The following TTC28 variants were observed in gnomAD, a reference collection of about 807,000 sequenced individuals.
The protein encoded by TTC28 is tetratricopeptide repeat protein 28.
In TTC28, 61 loss-of-function variants were observed where a neutral mutation model predicts 198.0. The ratio of observed to expected loss-of-function variants is 0.31; its 90% CI spans 0.25 to 0.38. The LOEUF (loss-of-function observed/expected upper bound fraction) is 0.38, where lower values mean the gene tolerates loss of function less well. Among genes scored for constraint, TTC28 ranks in the 10% least tolerant of loss-of-function variants. The pLI, the probability that TTC28 is intolerant of heterozygous loss-of-function variation, is 1.00. For missense variants in TTC28, 2,678 were observed against 3,164.0 expected, an observed-to-expected ratio of 0.85 and a Z score of 3.69; for synonymous variants, 1,171 against 1,297.8, an observed-to-expected ratio of 0.90 and a Z score of 2.10.
chr22:28,072,253 G>C (rs547685598), intron 12 of TTC28, among the ~76,000 whole-genome samples: 1 of 152,286 alleles, frequency 6.6e-6, no homozygotes, highest in East Asian at 1.9e-4. Context: ...TGCCAGAGAA[G>C]GTGTGGTTTA....
At chr22:28,452,389 CAAAAAAAAA>C (rs71194768) in intron 2 of TTC28, among the ~76,000 whole-genome samples, 21 of 43,232 alleles carry the variant, frequency 4.9e-4, no homozygotes, top group African/African-American at 1.5e-3. Context: ...GATTCCATCT[CAAAAAAAAA>C]AAAAAAAAAA....
chr22:28,268,211 T>G (rs182001866), intron 5 of TTC28, among the ~76,000 whole-genome samples: 1 of 152,318 alleles, frequency 6.6e-6, no homozygotes, highest in Admixed American at 6.5e-5. Flanking sequence ...TGAATGGCTC[T>G]CATAACAGCA....
intron 2 of TTC28, among the ~76,000 whole-genome samples, chr22:28,515,177 A>T (rs2048760711): frequency 6.6e-6 from 1 of 152,192 alleles, no homozygotes. Flanking sequence ...AAATCAAAGC[A>T]ATTTTTCTAT....
At chr22:28,519,552 CCAGATGTTT>C (rs1295559359) in intron 2 of TTC28, among the ~76,000 whole-genome samples, 1 of 152,156 alleles carries the variant, frequency 6.6e-6, no homozygotes, top group Non-Finnish European at 1.5e-5. Context: ...TTCATTTCTA[CCAGATGTTT>C]CATACTAACT....
Position 28,225,368 on chromosome 22 carries a change from AAAGAAGAAGAAGAAG to A in TTC28, c.934-61784_934-61770del, listed in dbSNP as rs148306183. Among the ~76,000 whole-genome samples the A allele has an allele frequency of 1.4e-3, 197 of 143,170 alleles. 1 individual carries two copies. The highest frequency in any genetic ancestry group is 2.0e-3 in the Non-Finnish European group (137 of 66,918). The allele number at this position is 143,170 out of a possible 152,430, so 93.9% of individuals were successfully genotyped here. A position where few individuals can be genotyped will look rare whatever the true frequency, so the allele number is the denominator to read the frequency against. ...AGAGATTCTGTTAAAAAAAAAAAGA[AAAGAAGAAGAAGAAG>A]AAGAAGAAGAAGAAGAAGAAAGAAG... On this transcript the variant is annotated intron_variant, in intron 5 of 22. Coordinates refer to ENST00000397906, the MANE Select transcript of TTC28 (RefSeq NM_001145418.2).
intron 2 of TTC28, among the ~76,000 whole-genome samples, chr22:28,332,621 C>A (rs2045634709): frequency 6.6e-6 from 1 of 152,044 alleles, no homozygotes; most frequent in Non-Finnish European, 1.5e-5. Flanking sequence ...GAACCAAGAA[C>A]AACAAAATCT....
chr22:28,590,691 T>C (rs981174146), intron 2 of TTC28, among the ~76,000 whole-genome samples: 3 of 152,006 alleles, frequency 2.0e-5, no homozygotes, highest in Non-Finnish European at 4.4e-5. Context: ...TTCACTTATA[T>C]CACAAATTAG....
chr22:27,982,601 C>A lies in TTC28; in HGVS notation c.7066G>T (p.Ala2356Ser). The change falls in exon 23 of 23, where the codon GCT becomes TCT. Residue 2356 changes from alanine to serine, a missense_variant. By Grantham distance (99) the Ala-to-Ser change is moderately conservative. Transcript: ENST00000397906. This position sits in a 1 kb window ranked among gnomAD's most constrained non-coding sequence, Gnocchi z 5.2. ...KMAAIDEKVQ[A>S]VHNLKMFWQS... ...CAGAACATCTTCAGGTTATGGACAGCCTGCACCTTTTCATCAATGGCTGCC... is the reference window on the plus strand; with the variant it reads ...CAGAACATCTTCAGGTTATGGACAGACTGCACCTTTTCATCAATGGCTGCC... 3 of 1,551,740 alleles carry A rather than the reference C, an allele frequency of 1.9e-6. No individual in the cohort carries two copies. The highest frequency in any genetic ancestry group is 2.6e-6 in the Non-Finnish European group (3 of 1,147,016).
At chr22:28,641,198 C>T (rs2051359678) in intron 1 of TTC28, among the ~76,000 whole-genome samples, 1 of 151,980 alleles carries the variant, frequency 6.6e-6, no homozygotes, top group Non-Finnish European at 1.5e-5. Context: ...GTGGCGCGTG[C>T]CTGTAGTCCC....
intron 2 of TTC28, among the ~76,000 whole-genome samples, chr22:28,386,550 T>C (rs1007311352): frequency 1.3e-5 from 2 of 152,038 alleles, no homozygotes; most frequent in Non-Finnish European, 2.9e-5. Flanking sequence ...AAGCTAAAGA[T>C]TCATACCTAA....
intron 5 of TTC28, among the ~76,000 whole-genome samples, chr22:28,209,275 T>C (rs1299417799): frequency 6.6e-6 from 1 of 152,108 alleles, no homozygotes; most frequent in Non-Finnish European, 1.5e-5. Flanking sequence ...ACTGAGGTTG[T>C]TGGACTGAGG....
chr22:28,209,442 A>T (rs1926709671), intron 5 of TTC28, among the ~76,000 whole-genome samples: 2 of 152,174 alleles, frequency 1.3e-5, no homozygotes, highest in Non-Finnish European at 2.9e-5. Flanking sequence ...CCACCCTAAT[A>T]CTGCGCTTTT....
At chr22:28,004,157 G>A (rs1259210154) in intron 14 of TTC28, among the ~76,000 whole-genome samples, 4 of 152,204 alleles carry the variant, frequency 2.6e-5, no homozygotes, top group Non-Finnish European at 1.5e-5. Context: ...CGTGAGGGTT[G>A]GGGAAGGCCT....
At chr22:28,504,901 T>C (rs997215194) in intron 2 of TTC28, among the ~76,000 whole-genome samples, 1 of 152,122 alleles carries the variant, frequency 6.6e-6, no homozygotes, top group South Asian at 2.1e-4. Flanking sequence ...CAATTCTTTT[T>C]TTATATATAT....
At chr22:28,579,304 T>C (rs1181196497) in intron 2 of TTC28, among the ~76,000 whole-genome samples, 1 of 149,678 alleles carries the variant, frequency 6.7e-6, no homozygotes, top group Non-Finnish European at 1.5e-5. Context: ...TAGCTATATA[T>C]GTGCATGTAT....
intron 14 of TTC28, among the ~76,000 whole-genome samples, chr22:28,011,422 C>T (rs1938159883): frequency 6.6e-6 from 1 of 152,100 alleles, no homozygotes; most frequent in African/African-American, 2.4e-5. Context: ...ATGGTGAAAC[C>T]CTGTCCCTAC....
chr22:28,534,233 C>T (rs571325200), intron 2 of TTC28, among the ~76,000 whole-genome samples: 9 of 152,144 alleles, frequency 5.9e-5, no homozygotes, highest in Admixed American at 2.6e-4. Flanking sequence ...TCAAACAACC[C>T]CATCAAAAAG....
At chr22:28,247,352 T>C (rs561627585) in intron 5 of TTC28, among the ~76,000 whole-genome samples, 2 of 152,300 alleles carry the variant, frequency 1.3e-5, no homozygotes, top group South Asian at 2.1e-4. Context: ...AGGAATATAA[T>C]GAGAATCATA....
chr22:28,058,499 T>C (rs1162289929), intron 12 of TTC28, among the ~76,000 whole-genome samples: 2 of 152,266 alleles, frequency 1.3e-5, no homozygotes, highest in East Asian at 1.9e-4. Context: ...TAAAGCTACA[T>C]GGTCATGCTA....
Sources: allele counts gnomAD v4.1 joint callset (sites outside exome capture counted in the v4.1 genomes callset), GRCh38; gene constraint gnomAD v4.1.1; non-coding constraint Gnocchi (gnomAD v3.1); transcripts MANE v1.5; gene names NCBI Gene and HGNC (gene_info 2026-07-23, HGNC 2026-07-21).